The following KIF15 variants were observed in gnomAD, a reference collection of about 807,000 sequenced individuals.
KIF15 encodes the protein kinesin-like protein KIF15.
In KIF15, 140 loss-of-function variants were observed where a neutral mutation model predicts 190.6. The observed-to-expected ratio is 0.73, with a 90% CI of 0.64 to 0.84. The LOEUF (loss-of-function observed/expected upper bound fraction) is 0.84. KIF15 is among the 40% of genes least tolerant of loss of function. KIF15 has a pLI of 0.00. For synonymous variants in KIF15, 528 were observed against 551.3 expected (o/e 0.96, Z 0.59); for missense variants, 1,372 against 1,584.4 (o/e 0.87, Z 2.28).
chr3:44,773,453 C>T (rs1705731592), intron 1 of KIF15, among the ~76,000 whole-genome samples: 1 of 152,210 alleles, frequency 6.6e-6, no homozygotes, highest in South Asian at 2.1e-4. Context: ...ATGCAAGGAA[C>T]TGCCACTCGC....
chr3:44,852,192 G>A lies in KIF15; in HGVS notation c.3973-16G>A. The stretch of plus-strand genomic sequence containing the variant: ...CCTACTTCTCATTTTTCCCTCCTTG[G>A]ATTGATTACCTGCAGGAGATGGAAA... On this transcript the variant is annotated splice_polypyrimidine_tract_variant and intron_variant, in intron 33 of 34. Transcript: ENST00000326047. The A allele has an allele frequency of 6.2e-7, 1 of 1,602,972 alleles. No homozygotes were observed. The highest frequency in any genetic ancestry group is 8.5e-7 in the Non-Finnish European group (1 of 1,174,200).
intron 24 of KIF15, 75 bp from the exon 25 acceptor site, chr3:44,829,895 TA>T (rs1343952367): frequency 1.6e-6 from 1 of 610,864 alleles, no homozygotes; most frequent in Non-Finnish European, 2.6e-6. Context: ...TTAGGAAAGA[TA>T]AGTGATTTAC....
At chr3:44,827,154 C>A in intron 22 of KIF15, 1 of 399,484 alleles carries the variant, frequency 2.5e-6, no homozygotes. Context: ...ACAAAACATC[C>A]CTGTCCTCGT....
chr3:44,833,779 C>G (rs889436817), intron 26 of KIF15, among the ~76,000 whole-genome samples: 5 of 152,306 alleles, frequency 3.3e-5, no homozygotes, highest in African/African-American at 1.2e-4. Flanking sequence ...ATGGAAAGTG[C>G]TGAGAACTGT....
At chr3:44,831,710 T>C (rs1450406692) in intron 26 of KIF15, among the ~76,000 whole-genome samples, 6 of 152,226 alleles carry the variant, frequency 3.9e-5, no homozygotes, top group East Asian at 3.8e-4. Flanking sequence ...TTTTAAAAAT[T>C]AGTATATAAG....
chr3:44,859,451 GC>G (rs1699217810), intron 6 of KIF15, among the ~76,000 whole-genome samples: 1 of 152,024 alleles, frequency 6.6e-6, no homozygotes, highest in African/African-American at 2.4e-5. Flanking sequence ...GATCACTTGG[GC>G]CCAGGGGTTC....
chr3:44,763,195 A>G (rs1193014587), intron 1 of KIF15, among the ~76,000 whole-genome samples: 2 of 152,190 alleles, frequency 1.3e-5, no homozygotes, highest in Non-Finnish European at 2.9e-5. Flanking sequence ...TGCTTCTTGC[A>G]TTCCCAGCAG....
chr3:44,783,243 G>A (rs1706250165), intron 5 of KIF15, among the ~76,000 whole-genome samples: 1 of 152,174 alleles, frequency 6.6e-6, no homozygotes, highest in Non-Finnish European at 1.5e-5. Context: ...GGTCATAGAG[G>A]AAGCATGGCA....
chr3:44,843,617 C>T (rs1698714272), intron 30 of KIF15, among the ~76,000 whole-genome samples: 1 of 152,192 alleles, frequency 6.6e-6, no homozygotes, highest in Admixed American at 6.5e-5. Context: ...CCAGGGAAAG[C>T]CCCTGGGCAG....
intron 32 of KIF15, among the ~76,000 whole-genome samples, chr3:44,849,730 A>T (rs559871435): frequency 1.3e-5 from 2 of 152,168 alleles, no homozygotes; most frequent in Admixed American, 6.5e-5. Context: ...AAATATATGT[A>T]TGTACATACA....
At chr3:44,834,770 A>C (rs1182743427) in intron 26 of KIF15, among the ~76,000 whole-genome samples, 1 of 146,816 alleles carries the variant, frequency 6.8e-6, no homozygotes, top group Non-Finnish European at 1.5e-5. Flanking sequence ...TAAAAATACA[A>C]AAAAAAAAAA....
chr3:44,771,397 C>T (rs1012384291), intron 1 of KIF15, among the ~76,000 whole-genome samples: 1 of 151,986 alleles, frequency 6.6e-6, no homozygotes, highest in Non-Finnish European at 1.5e-5. Context: ...TAATATTATT[C>T]CCTAAAATAT....
chr3:44,801,427 C>T (rs1324442198), intron 11 of KIF15, 23 bp from the exon 12 acceptor site: 1 of 1,409,560 alleles, frequency 7.1e-7, no homozygotes, highest in Non-Finnish European at 9.9e-7. Context: ...TTCATCTTCC[C>T]TTTCTTATTG....
intron 32 of KIF15, among the ~76,000 whole-genome samples, 169 bp from the exon 33 acceptor site, chr3:44,851,618 T>C (rs1353151934): frequency 3.3e-5 from 5 of 152,202 alleles, no homozygotes; most frequent in Non-Finnish European, 7.3e-5. Context: ...AAAAAGCATA[T>C]CTGGTATGTA....
intron 26 of KIF15, among the ~76,000 whole-genome samples, chr3:44,836,833 T>C (rs1367997937): frequency 6.6e-6 from 1 of 152,078 alleles, no homozygotes; most frequent in African/African-American, 2.4e-5. Context: ...TGACTAAAAT[T>C]GGGAGTTTAT....
intron 6 of KIF15, chr3:44,865,661 A>G (rs545581977): frequency 6.2e-6 from 1 of 160,218 alleles, no homozygotes; most frequent in East Asian, 1.6e-4. Flanking sequence ...TTTGTAAGTT[A>G]AAACTACCAG....
At chr3:44,824,907 A>G (rs1437333950) in intron 20 of KIF15, among the ~76,000 whole-genome samples, 2 of 151,972 alleles carry the variant, frequency 1.3e-5, no homozygotes, top group East Asian at 3.9e-4. Flanking sequence ...CTACAGGCAC[A>G]TGCCAGTGCA....
intron 25 of KIF15, among the ~76,000 whole-genome samples, chr3:44,830,592 C>G (rs1392351071): frequency 2.0e-5 from 3 of 152,116 alleles, no homozygotes; most frequent in Non-Finnish European, 4.4e-5. Flanking sequence ...TCCTCTGGGT[C>G]GAGGCGAAGG....
intron 18 of KIF15, among the ~76,000 whole-genome samples, chr3:44,812,690 G>A (rs1293272372): frequency 6.6e-6 from 1 of 152,124 alleles, no homozygotes; most frequent in Non-Finnish European, 1.5e-5. Context: ...TAAAAACAGG[G>A]ACAGGTTAAT....
Sources: allele counts gnomAD v4.1 joint callset (sites outside exome capture counted in the v4.1 genomes callset), GRCh38; gene constraint gnomAD v4.1.1; transcripts MANE v1.5; gene names NCBI Gene and HGNC (gene_info 2026-07-23, HGNC 2026-07-21).